Variants in DNAH11 observed in about 807,000 individuals in gnomAD.
DNAH11 encodes axonemal beta dynein heavy chain 11.
In DNAH11, 442 loss-of-function variants were observed where a neutral mutation model predicts 526.0. The ratio of observed to expected loss-of-function variants is 0.84; its 90% CI spans 0.78 to 0.91. DNAH11 has a LOEUF of 0.91. Ranked by LOEUF, DNAH11 falls within the 40% of genes least tolerant of loss-of-function variation. The pLI, the probability that DNAH11 is intolerant of heterozygous loss-of-function variation, is 0.00. For synonymous variants in DNAH11, 2,461 were observed against 1,935.9 expected, an observed-to-expected ratio of 1.27 and a Z score of -7.12; for missense variants, 6,989 against 5,448.7, an observed-to-expected ratio of 1.28 and a Z score of -8.90.
In DNAH11 at chr7:21,543,350, C is replaced by G. The variant is rs1176978999; in HGVS notation, c.105C>G (p.Leu35=). 2.0e-6 allele frequency: 3 copies of G among 1,517,362 alleles called. No homozygotes were observed. Among genetic ancestry groups the G allele is most frequent in the Non-Finnish European group, 1.8e-6 (2 of 1,122,032 alleles). The allele number at this position is 1,517,362 out of a possible 1,614,324, so 94.0% of individuals were successfully genotyped here. The change falls in exon 1 of 82, where the codon CTC becomes CTG. Residue 35 remains leucine (L), a synonymous_variant. Transcript: ENST00000409508. ...TGGAGGCAGTGGGCGCTGTGGAGCT[C>G]GAGGAGGAGGAGGAGAACGAGGAGG... The part of the protein sequence containing the change: ...AGLEAVGAVE[L]EEEEENEEEA...
At chr7:21,616,316 C>G in intron 22 of DNAH11, 24 bp downstream of exon 22, 1 of 1,581,940 alleles carries the variant, frequency 6.3e-7, no homozygotes, top group Non-Finnish European at 8.7e-7. Flanking sequence ...CTGTCTATTA[C>G]AACAATTTAT....
chr7:21,735,653 A>C lies in DNAH11; in HGVS notation c.7454A>C (p.His2485Pro). The change falls in exon 46 of 82, where the codon CAC (histidine) becomes CCC (proline). Residue 2485 changes from histidine (H) to proline (P), a missense_variant. Coordinates refer to ENST00000409508, the MANE Select transcript of DNAH11 (RefSeq NM_001277115.2). ...PDVPLQTVLV[H>P]TTETARLRYF... Reference sequence around the variant, plus strand: ...TTCTCCTCCCAGACAGTTCTCGTTCACACAACAGAGACAGCTCGTCTTAGA... The same window carrying C: ...TTCTCCTCCCAGACAGTTCTCGTTCCCACAACAGAGACAGCTCGTCTTAGA... 1 of 1,593,018 alleles carries C rather than the reference A, an allele frequency of 6.3e-7. No individual in the cohort carries two copies. The highest frequency in any genetic ancestry group is 8.6e-7 in the Non-Finnish European group (1 of 1,168,444).
chr7:21,875,133 A>C (rs2128039694), intron 74 of DNAH11, among the ~76,000 whole-genome samples: 1 of 152,344 alleles, frequency 6.6e-6, no homozygotes, highest in East Asian at 1.9e-4. Flanking sequence ...GATTGTGTAA[A>C]TAGTAGGACT....
rs60180654 is a variant in DNAH11, at chr7:21,875,083, T to C, written c.12195+1582T>C. Among the ~76,000 whole-genome samples, 23 of 152,352 alleles carry C rather than the reference T, an allele frequency of 1.5e-4. No homozygotes were observed. The East Asian group carries it at 4.4e-3, about 29-fold the overall frequency. On this transcript the variant is annotated intron_variant, in intron 74 of 81. Transcript: ENST00000409508. ...TTGAAGAATGCAGTTAATTACTTCA[T>C]TAAATAATTGAGTAATTTTTATCCT...
chr7:21,644,571 G>T (rs1174603594), intron 28 of DNAH11, among the ~76,000 whole-genome samples: 1 of 152,196 alleles, frequency 6.6e-6, no homozygotes, highest in Non-Finnish European at 1.5e-5. Context: ...GGAAGTGGTT[G>T]CTCCTGAGTT....
chr7:21,627,994 A>T (rs1312564096), intron 25 of DNAH11, among the ~76,000 whole-genome samples: 1 of 151,764 alleles, frequency 6.6e-6, no homozygotes, highest in African/African-American at 2.4e-5. Flanking sequence ...TTCACTTTTC[A>T]TCTTTCACTT....
chr7:21,671,738 G>A (rs1020309929), intron 30 of DNAH11, among the ~76,000 whole-genome samples: 1 of 151,940 alleles, frequency 6.6e-6, no homozygotes, highest in Non-Finnish European at 1.5e-5. Context: ...CTTACAGTGG[G>A]CGTTTATTGA....
At chr7:21,819,485 A>G (rs1025751166) in intron 65 of DNAH11, among the ~76,000 whole-genome samples, 2 of 152,202 alleles carry the variant, frequency 1.3e-5, no homozygotes. Context: ...CTTAACATAA[A>G]TATAATTGTA....
intron 30 of DNAH11, among the ~76,000 whole-genome samples, chr7:21,674,511 C>T (rs1252861753): frequency 6.6e-6 from 1 of 152,150 alleles, no homozygotes; most frequent in Non-Finnish European, 1.5e-5. Flanking sequence ...CAAGTGTGCA[C>T]CACCATGCCT....
chr7:21,707,952 G>A, intron 40 of DNAH11, 117 bp downstream of exon 40: 2 of 1,072,572 alleles, frequency 1.9e-6, no homozygotes. Flanking sequence ...TGGCATTATT[G>A]GAAATATAGC....
At chr7:21,622,932 C>G (rs1786145604) in intron 25 of DNAH11, among the ~76,000 whole-genome samples, 1 of 152,004 alleles carries the variant, frequency 6.6e-6, no homozygotes, top group South Asian at 2.1e-4. Context: ...TCTAAAACAC[C>G]AAAAGCAATG....
chr7:21,894,040 C>T (rs1356232996), intron 77 of DNAH11, among the ~76,000 whole-genome samples: 2 of 152,162 alleles, frequency 1.3e-5, no homozygotes, highest in Admixed American at 1.3e-4. Context: ...AGACATGCTC[C>T]AACATGCCTG....
At chr7:21,714,275 T>G (rs1239628671) in intron 42 of DNAH11, among the ~76,000 whole-genome samples, 1 of 152,202 alleles carries the variant, frequency 6.6e-6, no homozygotes, top group Non-Finnish European at 1.5e-5. Context: ...TTTGGGTTTT[T>G]TGTTTGTTTG....
chr7:21,651,008 G>A (rs1007606457), intron 28 of DNAH11, among the ~76,000 whole-genome samples: 2 of 150,042 alleles, frequency 1.3e-5, no homozygotes, highest in African/African-American at 4.9e-5. Flanking sequence ...ATTGACTTAA[G>A]TTTTTACACA....
At chr7:21,803,575 C>A (rs187440722) in intron 62 of DNAH11, among the ~76,000 whole-genome samples, 77 of 149,956 alleles carry the variant, frequency 5.1e-4, no homozygotes, top group African/African-American at 1.8e-3. Flanking sequence ...AGATAAACTG[C>A]TAACTCCACC....
chr7:21,577,896 G>T (rs556155934), intron 8 of DNAH11, among the ~76,000 whole-genome samples: 1 of 152,254 alleles, frequency 6.6e-6, no homozygotes, highest in East Asian at 1.9e-4. Context: ...ACTTGAAAAA[G>T]ATTTTAAAGT....
intron 62 of DNAH11, among the ~76,000 whole-genome samples, chr7:21,805,703 A>G (rs1487526719): frequency 6.6e-6 from 1 of 152,200 alleles, no homozygotes; most frequent in Non-Finnish European, 1.5e-5. Flanking sequence ...TGTGTGTCTA[A>G]CATATAGCAA....
intron 25 of DNAH11, among the ~76,000 whole-genome samples, chr7:21,625,719 A>G (rs1370015018): frequency 1.3e-5 from 2 of 152,070 alleles, no homozygotes; most frequent in East Asian, 3.8e-4. Context: ...TTGTCTCAAT[A>G]TATTTTAAAA....
In DNAH11 at chr7:21,738,727, A is replaced by C. The variant is rs1290601637; in HGVS notation, c.7672A>C (p.Lys2558Gln). The C allele has an allele frequency of 1.3e-6, 2 of 1,581,528 alleles. No homozygotes were observed. Among genetic ancestry groups the C allele is most frequent in the South Asian group, 1.2e-5 (1 of 85,268 alleles). Reference sequence around the variant, plus strand: ...AATTCTTGAGAAACCCCTAGAGAAAAAAGCTGGTCATAACTATGGTCCTGG... The same window carrying C: ...AATTCTTGAGAAACCCCTAGAGAAACAAGCTGGTCATAACTATGGTCCTGG... ...QKILEKPLEK[K>Q]AGHNYGPGGN... The change falls in exon 47 of 82, where the codon AAA becomes CAA. Residue 2558 changes from lysine (K) to glutamine (Q), a missense_variant. By Grantham distance (53) the Lys-to-Gln change is moderately conservative. Transcript: ENST00000409508.
Sources: allele counts gnomAD v4.1 joint callset (sites outside exome capture counted in the v4.1 genomes callset), GRCh38; gene constraint gnomAD v4.1.1; transcripts MANE v1.5; gene names NCBI Gene and HGNC (gene_info 2026-07-23, HGNC 2026-07-21).